The following DGKB variants were observed in gnomAD, a reference collection of about 807,000 sequenced individuals.
DGKB encodes diacylglycerol kinase beta, also known as 90 kDa diacylglycerol kinase.
A neutral mutation model predicts 114.3 loss-of-function variants in DGKB; 67 were observed. The ratio of observed to expected loss-of-function variants is 0.59; its 90% CI spans 0.48 to 0.72. DGKB has a LOEUF of 0.72. Ranked by LOEUF, DGKB falls within the 30% of genes least tolerant of loss-of-function variation. DGKB has a pLI of 0.00. For synonymous variants in DGKB, 398 were observed against 323.1 expected (o/e 1.23, Z -2.49); for missense variants, 907 against 975.2 (o/e 0.93, Z 0.93).
intron 2 of DGKB, among the ~76,000 whole-genome samples, chr7:14,776,778 C>G (rs555970204): frequency 1.3e-5 from 2 of 152,306 alleles, no homozygotes; most frequent in South Asian, 2.1e-4. Context: ...GGGTTAGAGC[C>G]CTTATACAGC....
intron 20 of DGKB, among the ~76,000 whole-genome samples, chr7:14,497,002 T>C (rs2128945392): frequency 6.6e-6 from 1 of 151,926 alleles, no homozygotes; most frequent in South Asian, 2.1e-4. Context: ...GGAATACTAC[T>C]CAGCCATAAA....
At position 14,736,198 on chromosome 7, in the gene DGKB, GAAA is replaced by G; in HGVS notation, c.169-7_169-5del. On this transcript the variant is annotated splice_region_variant and splice_polypyrimidine_tract_variant and intron_variant, in intron 4 of 25. Coordinates refer to ENST00000402815, the MANE Select transcript of DGKB (RefSeq NM_001350709.2). ...TGAAACCTTCAAAATCTATTGTCTG[GAAA>G]AAAAAAATGTAAACATGTATTTTAA... The G allele has an allele frequency of 8.6e-7, 1 of 1,161,406 alleles. No homozygotes were observed. The highest frequency in any genetic ancestry group is 1.1e-6 in the Non-Finnish European group (1 of 878,830). 71.9% of individuals were successfully genotyped at this position (1,161,406 alleles called of 1,614,324 possible). A position where few individuals can be genotyped will look rare whatever the true frequency, so the allele number is the denominator to read the frequency against.
At chr7:14,655,987 A>G (rs1016444342) in intron 13 of DGKB, among the ~76,000 whole-genome samples, 1 of 151,740 alleles carries the variant, frequency 6.6e-6, no homozygotes, top group Admixed American at 6.6e-5. Context: ...AGAGCTAACA[A>G]TAATTTATTG....
intron 21 of DGKB, among the ~76,000 whole-genome samples, chr7:14,476,436 CTTTGA>C (rs1358199171): frequency 2.6e-5 from 4 of 151,990 alleles, no homozygotes; most frequent in African/African-American, 7.2e-5. Context: ...AATTAGATTA[CTTTGA>C]TTTAATTTTG....
intron 21 of DGKB, among the ~76,000 whole-genome samples, chr7:14,442,710 A>T (rs1315053379): frequency 1.3e-5 from 2 of 152,094 alleles, no homozygotes; most frequent in Non-Finnish European, 2.9e-5. Context: ...TCTAATGTCC[A>T]ATATGATTCT....
intron 13 of DGKB, among the ~76,000 whole-genome samples, chr7:14,660,673 C>T (rs558032001): frequency 1.8e-4 from 27 of 151,758 alleles, no homozygotes; most frequent in South Asian, 8.3e-4. Flanking sequence ...AAGCTACCAA[C>T]GACTTTCTTC....
chr7:14,402,867 G>T (rs759042723), intron 21 of DGKB, among the ~76,000 whole-genome samples: 1 of 151,768 alleles, frequency 6.6e-6, no homozygotes, highest in African/African-American at 2.4e-5. Flanking sequence ...GAGATCAAAG[G>T]CTCCAGACTG....
rs147391604 is a variant in DGKB at position 14,506,545 on chromosome 7, T to C, written c.1771-28320A>G. Among the ~76,000 whole-genome samples, 84 of 152,282 alleles carry C rather than the reference T, an allele frequency of 5.5e-4. No homozygotes were observed. The East Asian group carries it at 9.5e-3, about 17-fold the overall frequency. ...GCAAGTCATTTAATCTCTCTTGATT[T>C]GATAAGCAAAATAAGAGTTTTGATT... On this transcript the variant is annotated intron_variant, in intron 20 of 25. Coordinates refer to ENST00000402815, the MANE Select transcript of DGKB (RefSeq NM_001350709.2).
chr7:14,943,952 C>G (rs192126746), intron 1 of DGKB, among the ~76,000 whole-genome samples: 30 of 151,958 alleles, frequency 2.0e-4, no homozygotes, highest in Admixed American at 1.6e-3. Context: ...CACTACCCTA[C>G]GAGGCTATTT....
At chr7:14,522,737 G>A (rs1291376427) in intron 20 of DGKB, among the ~76,000 whole-genome samples, 1 of 152,164 alleles carries the variant, frequency 6.6e-6, no homozygotes, top group Non-Finnish European at 1.5e-5. Context: ...AGAATTACTT[G>A]TTTTTGACAA....
chr7:14,829,917 C>T (rs1024034539), intron 2 of DGKB, among the ~76,000 whole-genome samples: 36 of 151,968 alleles, frequency 2.4e-4, no homozygotes, highest in African/African-American at 8.0e-4. Flanking sequence ...GAGAGCAATG[C>T]CTCATGTCTT....
chr7:14,349,629 A>C (rs771295334), intron 21 of DGKB, among the ~76,000 whole-genome samples: 35 of 152,182 alleles, frequency 2.3e-4, no homozygotes, highest in Non-Finnish European at 4.4e-4. Flanking sequence ...CCATTATTAC[A>C]ACCATTTTAT....
Position 14,974,395 on chromosome 7 carries a change from A to C in DGKB, c.-188+301T>G, listed in dbSNP as rs181663570. ...TGCTTAATTAAAAAAGGAATAGTAC[A>C]AGTAGATGACTCACTTCTATCTTTA... On this transcript the variant is annotated intron_variant, in intron 1 of 4. Transcript: ENST00000437998. Among the ~76,000 whole-genome samples the C allele has an allele frequency of 1.4e-3, 213 of 152,260 alleles. 1 individual carries two copies. Among genetic ancestry groups the C allele is most frequent in the Non-Finnish European group, 2.5e-3 (171 of 67,996 alleles).
At chr7:14,354,285 C>A (rs963766882) in intron 21 of DGKB, among the ~76,000 whole-genome samples, 1 of 152,052 alleles carries the variant, frequency 6.6e-6, no homozygotes, top group African/African-American at 2.4e-5. Flanking sequence ...GAATTATATT[C>A]ATAAATAAAA....
At position 14,319,633 on chromosome 7, in the gene DGKB, T is replaced by C. The variant is rs546356570; in HGVS notation, c.2122+18882A>G. Among the ~76,000 whole-genome samples the C allele has an allele frequency of 1.2e-3, 183 of 152,284 alleles. 4 individuals carry two copies. The highest frequency in any genetic ancestry group is 4.2e-3 in the African/African-American group (176 of 41,564). Reference sequence around the variant, plus strand: ...ACTAAAAGTTTGAGAACCAGTGTACTCTTTGGCTAATTGGGCTAGATGAGC... The same window carrying C: ...ACTAAAAGTTTGAGAACCAGTGTACCCTTTGGCTAATTGGGCTAGATGAGC... On this transcript the variant is annotated intron_variant, in intron 23 of 25. Coordinates refer to ENST00000402815, the MANE Select transcript of DGKB (RefSeq NM_001350709.2).
At chr7:14,789,690 AC>A (rs1283148224) in intron 2 of DGKB, among the ~76,000 whole-genome samples, 3 of 151,582 alleles carry the variant, frequency 2.0e-5, no homozygotes, top group Non-Finnish European at 4.4e-5. Context: ...AGTAGCTGGG[AC>A]TTACAGGTGC....
rs542550966 is a variant in DGKB at position 14,817,207 on chromosome 7, T to G, written c.70+23987A>C. 5.3e-5 allele frequency among the ~76,000 whole-genome samples: 8 copies of G among 152,304 alleles called. No individual in the cohort carries two copies. In the South Asian group the frequency reaches 1.7e-3, roughly 32 times the overall value. ...TTGCGTTATGGTTGCCCCTAACACA[T>G]GCATATATCTGACTAGATGTTATTG... On this transcript the variant is annotated intron_variant, in intron 2 of 25. Transcript: ENST00000402815.
At chr7:14,927,022 G>A (rs960440424) in intron 1 of DGKB, among the ~76,000 whole-genome samples, 9 of 151,940 alleles carry the variant, frequency 5.9e-5, no homozygotes, top group African/African-American at 1.7e-4. Flanking sequence ...GACTCTTGAA[G>A]GAGCATGTTT....
rs189380864 is a variant in DGKB, at chr7:14,753,953, G to T, written c.148-5C>A. 6.6e-7 allele frequency: 1 copy of T among 1,513,722 alleles called. No individual in the cohort carries two copies. The highest frequency in any genetic ancestry group is 9.0e-7 in the Non-Finnish European group (1 of 1,105,490). The allele number at this position is 1,513,722 out of a possible 1,614,324, so 93.8% of individuals were successfully genotyped here. On this transcript the variant is annotated splice_polypyrimidine_tract_variant and splice_region_variant and intron_variant, in intron 3 of 25. Transcript: ENST00000402815. ...TTGGTTAAGAATGTCTTGTTTCTGT[G>T]CATGCAAGGAAAGAAAGAATACATG... is the stretch of plus-strand genomic sequence containing the variant.
Sources: gnomAD v4.1 joint callset for allele counts (sites outside exome capture counted in the v4.1 genomes callset) on GRCh38, gnomAD v4.1.1 for gene constraint, MANE v1.5 for transcripts, NCBI Gene and HGNC (gene_info 2026-07-23, HGNC 2026-07-21) for gene names.